The following GLIS3 variants were observed in gnomAD, a reference collection of about 807,000 sequenced individuals.
GLIS3 encodes GLIS family zinc finger 3.
GLIS3 carries 53 observed loss-of-function variants against 78.6 expected under a neutral mutation model. That is an observed-to-expected ratio of 0.67 (90% CI 0.54 to 0.85). GLIS3 has a LOEUF of 0.85. GLIS3 is among the 40% of genes least tolerant of loss of function. GLIS3 has a pLI of 0.00. For missense variants in GLIS3, 1,703 were observed against 1,231.1 expected (o/e 1.38, Z -5.74); for synonymous variants, 684 against 509.9 (o/e 1.34, Z -4.60).
chr9:3,978,864 A>T (rs1323212683), intron 4 of GLIS3, among the ~76,000 whole-genome samples: 1 of 152,180 alleles, frequency 6.6e-6, no homozygotes, highest in Non-Finnish European at 1.5e-5. Flanking sequence ...CAACCCTCAG[A>T]TTAGAAATAT....
the GLIS3 span, among the ~76,000 whole-genome samples, chr9:4,471,717 C>T: frequency 6.6e-6 from 1 of 152,154 alleles, no homozygotes; most frequent in Non-Finnish European, 1.5e-5. Flanking sequence ...ATGACTAAAA[C>T]ACCAAAAGCA....
chr9:4,253,031 T>C (rs1824545363), intron 2 of GLIS3, among the ~76,000 whole-genome samples: 1 of 152,214 alleles, frequency 6.6e-6, no homozygotes, highest in South Asian at 2.1e-4. Flanking sequence ...GAAGCTCTCC[T>C]GTATGAAGTC....
intron 2 of GLIS3, among the ~76,000 whole-genome samples, chr9:4,226,461 C>T (rs909108723): frequency 3.9e-5 from 6 of 152,106 alleles, no homozygotes; most frequent in African/African-American, 1.2e-4. Flanking sequence ...GAGCTCCTCC[C>T]AAGAGAAAGT....
chr9:4,345,103 C>T lies in GLIS3; in HGVS notation n.264+1978G>A, dbSNP rs964892305. 2.0e-5 allele frequency among the ~76,000 whole-genome samples: 3 copies of T among 152,176 alleles called. No homozygotes were observed. In the South Asian group the frequency reaches 6.2e-4, roughly 32 times the overall value. ...GATCACTCCTCTATTCAAGTCTCCG[C>T]AAGTTTCCCCCTCAGAGCAAAAGCC... On this transcript the variant is annotated intron_variant and non_coding_transcript_variant, in intron 2 of 4. Coordinates refer to the GLIS3 transcript ENST00000471664.
chr9:4,195,181 C>T (rs186639800), intron 2 of GLIS3, among the ~76,000 whole-genome samples: 34 of 152,368 alleles, frequency 2.2e-4, no homozygotes, highest in African/African-American at 8.2e-4. Flanking sequence ...TCCTCGGCCT[C>T]GGCGTCTGCT....
At chr9:4,254,204 T>C (rs1052571075) in intron 2 of GLIS3, among the ~76,000 whole-genome samples, 2 of 152,146 alleles carry the variant, frequency 1.3e-5, no homozygotes, top group African/African-American at 2.4e-5. Flanking sequence ...ATAAATAAGA[T>C]TAAAGCCCTG....
the GLIS3 span, among the ~76,000 whole-genome samples, chr9:4,429,982 G>C: frequency 1.3e-5 from 2 of 152,052 alleles, no homozygotes; most frequent in Non-Finnish European, 2.9e-5. Context: ...GTAGATCTAA[G>C]ATGCCAATCC....
intron 2 of GLIS3, among the ~76,000 whole-genome samples, chr9:4,255,543 G>C (rs571038499): frequency 2.0e-5 from 3 of 152,248 alleles, no homozygotes; most frequent in East Asian, 3.9e-4. Context: ...AAAAAGAAAT[G>C]AGCTATCAAG....
chr9:4,322,310 G>A (rs1817543313), intron 2 of GLIS3, among the ~76,000 whole-genome samples: 1 of 152,146 alleles, frequency 6.6e-6, no homozygotes, highest in African/African-American at 2.4e-5. Context: ...CGAAGTCTGT[G>A]CTGTTGTGAA....
At chr9:4,155,185 AAAT>A (rs1461959901) in intron 2 of GLIS3, among the ~76,000 whole-genome samples, 3 of 152,254 alleles carry the variant, frequency 2.0e-5, no homozygotes, top group Non-Finnish European at 2.9e-5. Context: ...TACACTGAAA[AAAT>A]AATGCTCTGA....
intron 4 of GLIS3, among the ~76,000 whole-genome samples, chr9:3,948,618 G>A (rs530959154): frequency 6.6e-6 from 1 of 152,126 alleles, no homozygotes; most frequent in Non-Finnish European, 1.5e-5. Context: ...ATAAGTCTAT[G>A]AAAAATTCTG....
chr9:4,243,394 A>ACACGCG (rs561518521), intron 2 of GLIS3, among the ~76,000 whole-genome samples: 2,284 of 30,044 alleles, frequency 0.076, 35 homozygotes, highest in Non-Finnish European at 0.3. Flanking sequence ...ATGCACACAT[A>ACACGCG]CACGCACACA....
chr9:4,209,140 T>G (rs950950803), intron 2 of GLIS3, among the ~76,000 whole-genome samples: 1 of 152,158 alleles, frequency 6.6e-6, no homozygotes, highest in Non-Finnish European at 1.5e-5. Flanking sequence ...AAATGGACGC[T>G]CATGCACCAC....
chr9:4,090,808 C>A lies in GLIS3; in HGVS notation c.1710+26960G>T, dbSNP rs541174085. Among the ~76,000 whole-genome samples the A allele has an allele frequency of 2.6e-5, 4 of 152,326 alleles. No homozygotes were observed. The South Asian group carries it at 8.3e-4, about 32-fold the overall frequency. ...ACACACCCTCTGTCAACTGCTACTG[C>A]TGAGGTTGTGACTATTACTATTGCT... On this transcript the variant is annotated intron_variant, in intron 4 of 10. Coordinates refer to ENST00000381971, the MANE Select transcript of GLIS3 (RefSeq NM_001042413.2).
chr9:4,368,445 C>T, the GLIS3 span, among the ~76,000 whole-genome samples: 3 of 151,722 alleles, frequency 2.0e-5, no homozygotes, highest in Non-Finnish European at 2.9e-5. Context: ...CCCGGGTTCA[C>T]GCCCTTCTCT....
At chr9:3,917,286 C>T (rs1401802406) in intron 6 of GLIS3, among the ~76,000 whole-genome samples, 2 of 152,160 alleles carry the variant, frequency 1.3e-5, no homozygotes, top group Non-Finnish European at 2.9e-5. Context: ...AGGGGCAATA[C>T]CACGACAGCA....
chr9:4,088,839 T>G (rs766198815), intron 4 of GLIS3, among the ~76,000 whole-genome samples: 4 of 152,226 alleles, frequency 2.6e-5, no homozygotes, highest in Admixed American at 6.5e-5. Flanking sequence ...ATATTTCTTT[T>G]CAAAAGTTGA....
At chr9:3,964,381 C>G (rs1203731141) in intron 4 of GLIS3, among the ~76,000 whole-genome samples, 1 of 152,184 alleles carries the variant, frequency 6.6e-6, no homozygotes, top group African/African-American at 2.4e-5. Flanking sequence ...TAATTACATT[C>G]TCTTTGCACT....
intron 7 of GLIS3, among the ~76,000 whole-genome samples, chr9:3,896,682 G>A (rs199660250): frequency 0.11 from 1,131 of 10,472 alleles, 7 homozygotes; most frequent in East Asian, 0.17. Context: ...AAAAAAAAAA[G>A]AAGTAGAGAG....
Sources: gnomAD v4.1 joint callset for allele counts (sites outside exome capture counted in the v4.1 genomes callset) on GRCh38, gnomAD v4.1.1 for gene constraint, MANE v1.5 for transcripts, NCBI Gene and HGNC (gene_info 2026-07-23, HGNC 2026-07-21) for gene names.